The following GSG1 variants were observed in gnomAD, a reference collection of about 807,000 sequenced individuals.
GSG1 encodes the protein germ cell associated 1.
A neutral mutation model predicts 30.8 loss-of-function variants in GSG1; 28 were observed. The observed-to-expected ratio is 0.91, with a 90% CI of 0.67 to 1.25. The LOEUF is 1.25. Among genes scored for constraint, GSG1 ranks in the 50% most tolerant of loss-of-function variants. GSG1 has a pLI of 0.00. For synonymous variants in GSG1, 162 were observed against 178.0 expected (o/e 0.91, Z 0.71); for missense variants, 435 against 444.7 (o/e 0.98, Z 0.20).
rs1466403645 is a variant in GSG1 at position 13,101,612 on chromosome 12, C to A, written c.48+1853G>T. Among the ~76,000 whole-genome samples, 1 of 152,218 alleles carries A rather than the reference C, an allele frequency of 6.6e-6. No homozygotes were observed. The highest frequency in any genetic ancestry group is 1.5e-5 in the Non-Finnish European group (1 of 68,028). On this transcript the variant is annotated intron_variant, in intron 1 of 6. Coordinates refer to ENST00000651961, the MANE Select transcript of GSG1 (RefSeq NM_001080555.4). The surrounding 1 kb of genome is among the most constrained non-coding windows in gnomAD (Gnocchi z 5.8). ...GAGGCGCGTCCCCTCTGCCGCCTGG[C>A]GAGGCTGCGCGGGAGGGCGGAGAGA...
intron 1 of GSG1, among the ~76,000 whole-genome samples, chr12:13,098,456 ATTTTTTTTTTTTTTTTTTTTTTT>A (rs771887535): frequency 2.1e-5 from 1 of 47,384 alleles, no homozygotes; most frequent in Non-Finnish European, 3.8e-5. Flanking sequence ...CATGTAGCCC[ATTTTTTTTTTTTTTTTTTTTTTT>A]TTTTTTTTTT....
rs1320194475 is a variant in GSG1 at position 13,089,231 on chromosome 12, G to A, written c.410C>T (p.Ser137Phe). ...ACCTTTTGCTGCCGCTGTACCACTG[G>A]ACCGAAGGGCTCTAAATTGTTTCCA... Reference protein sequence around the residue: ...QSWKQFRALRSSGTAAAKGER... With the variant: ...QSWKQFRALRFSGTAAAKGER... The change falls in exon 3 of 7, where the codon TCC (serine) becomes TTC (phenylalanine). Residue 137 changes from serine (S) to phenylalanine (F), a missense_variant. By Grantham distance (155) the Ser-to-Phe change is radical (BLOSUM62 -2). Transcript: ENST00000651961. 6.4e-7 allele frequency: 1 copy of A among 1,558,884 alleles called. No homozygotes were observed. The highest frequency in any genetic ancestry group is 1.9e-5 in the Admixed American group (1 of 51,900).
At chr12:13,089,702 AGAT>A (rs1377809393) in intron 2 of GSG1, among the ~76,000 whole-genome samples, 1 of 152,226 alleles carries the variant, frequency 6.6e-6, no homozygotes, top group Non-Finnish European at 1.5e-5. Flanking sequence ...AGAGGCTGTA[AGAT>A]GATCTGCTGT....
intron 3 of GSG1, 113 bp from the exon 4 acceptor site, chr12:13,089,022 G>C: frequency 7.3e-7 from 1 of 1,366,786 alleles, no homozygotes; most frequent in African/African-American, 1.4e-5. Flanking sequence ...CACCTGCCCC[G>C]CATAGAGCAG....
chr12:13,098,160 T>C (rs1037416307), intron 1 of GSG1, among the ~76,000 whole-genome samples: 3 of 151,638 alleles, frequency 2.0e-5, no homozygotes, highest in Admixed American at 6.6e-5. Context: ...TTTTTTACGG[T>C]TGCATTGGCG....
chr12:13,103,267 C>T (rs530523621), intron 1 of GSG1, among the ~76,000 whole-genome samples, 198 bp downstream of exon 1: 21 of 152,304 alleles, frequency 1.4e-4, no homozygotes, highest in African/African-American at 4.8e-4. Flanking sequence ...TATGGACATA[C>T]CAGTTTTATC....
chr12:13,088,134 CCT>C, intron 4 of GSG1, 75 bp from the exon 5 acceptor site: 1 of 1,542,096 alleles, frequency 6.5e-7, no homozygotes, highest in Non-Finnish European at 8.9e-7. Context: ...GCATAGGATG[CCT>C]ATTAGGAGTT....
rs1461853011 is a variant in GSG1, at chr12:13,098,455, CATTTTT to C, written c.48+5004_48+5009del. Among the ~76,000 whole-genome samples, 24 of 71,834 alleles carry C rather than the reference CATTTTT, an allele frequency of 3.3e-4. 1 individual carries two copies. Among genetic ancestry groups the C allele is most frequent in the Non-Finnish European group, 6.8e-4 (22 of 32,340 alleles). The allele number at this position is 71,834 out of a possible 152,430, so 47.1% of individuals were successfully genotyped here. On this transcript the variant is annotated intron_variant, in intron 1 of 6. Coordinates refer to ENST00000651961, the MANE Select transcript of GSG1 (RefSeq NM_001080555.4). Reference sequence around the variant, plus strand: ...TCTTGTAGGATTGTTTCATGTAGCCCATTTTTTTTTTTTTTTTTTTTTTTTTTTTTT... The same window carrying C: ...TCTTGTAGGATTGTTTCATGTAGCCCTTTTTTTTTTTTTTTTTTTTTTTTT...
At chr12:13,097,590 T>C (rs1862827251) in intron 1 of GSG1, among the ~76,000 whole-genome samples, 1 of 152,208 alleles carries the variant, frequency 6.6e-6, no homozygotes, top group African/African-American at 2.4e-5. Flanking sequence ...ACTTTCATTT[T>C]AGAGCAGTCG....
intron 1 of GSG1, among the ~76,000 whole-genome samples, chr12:13,099,764 T>G (rs867103161): frequency 0.019 from 2,777 of 146,818 alleles, 60 homozygotes; most frequent in African/African-American, 0.051. Flanking sequence ...TTTTTTTTTT[T>G]TTTTGTTTTT....
intron 1 of GSG1, among the ~76,000 whole-genome samples, chr12:13,097,434 C>T (rs1866747503): frequency 6.6e-6 from 1 of 152,044 alleles, no homozygotes; most frequent in South Asian, 2.1e-4. Flanking sequence ...GTCTCGAACT[C>T]CTGGGCTCAA....
intron 1 of GSG1, among the ~76,000 whole-genome samples, chr12:13,099,763 T>TTTGTTTG (rs1565551402): frequency 1.3e-5 from 2 of 148,574 alleles, no homozygotes; most frequent in South Asian, 2.1e-4. Context: ...TTTTTTTTTT[T>TTTGTTTG]TTTTTGTTTT....
At chr12:13,085,728 T>TC (rs1865461746) in intron 6 of GSG1, among the ~76,000 whole-genome samples, 1 of 152,106 alleles carries the variant, frequency 6.6e-6, no homozygotes, top group Admixed American at 6.5e-5. Context: ...GAATCATCCC[T>TC]CTTCCATCTT....
rs1463809261 is a variant in GSG1 at position 13,093,686 on chromosome 12, G to T, written c.49-2868C>A. Among the ~76,000 whole-genome samples, 1 of 152,138 alleles carries T rather than the reference G, an allele frequency of 6.6e-6. No homozygotes were observed. Among genetic ancestry groups the T allele is most frequent in the Non-Finnish European group, 1.5e-5 (1 of 68,012 alleles). ...GTAGGGTGTCGGCAGCCAAGCCCTT[G>T]GTCAGTGGAGAGGAACCTGGAGGGC... On this transcript the variant is annotated intron_variant, in intron 1 of 6. Transcript: ENST00000651961. This position sits in a 1 kb window ranked among gnomAD's most constrained non-coding sequence, Gnocchi z 4.6.
At chr12:13,087,328 G>A (rs1246214120) in intron 5 of GSG1, 65 bp from the exon 6 acceptor site, 7 of 1,242,968 alleles carry the variant, frequency 5.6e-6, no homozygotes, top group Non-Finnish European at 1.2e-6. Flanking sequence ...CCAGGAGTAC[G>A]ATTTTGGATC....
At chr12:13,096,301 G>A (rs528178125) in intron 1 of GSG1, among the ~76,000 whole-genome samples, 47 of 151,846 alleles carry the variant, frequency 3.1e-4, no homozygotes, top group African/African-American at 8.5e-4. Flanking sequence ...CTGAAATCCC[G>A]TCTCTACTAA....
chr12:13,088,414 G>C (rs1221366258), intron 4 of GSG1, among the ~76,000 whole-genome samples: 1 of 152,092 alleles, frequency 6.6e-6, no homozygotes, highest in African/African-American at 2.4e-5. Flanking sequence ...TTCCCTCCCT[G>C]CCTCCCTTCT....
At chr12:13,095,728 C>T in intron 1 of GSG1, 1 of 1,565,150 alleles carries the variant, frequency 6.4e-7, no homozygotes, top group South Asian at 1.2e-5. Context: ...TCCTCCTACC[C>T]CTCCCCTTCT....
chr12:13,096,473 C>CAA lies in GSG1; in HGVS notation c.49-5657_49-5656dup, dbSNP rs775026265. Among the ~76,000 whole-genome samples the CAA allele has an allele frequency of 4.9e-4, 36 of 74,034 alleles. No homozygotes were observed. In the East Asian group the frequency reaches 5.3e-3, roughly 11 times the overall value. 48.6% of individuals were successfully genotyped at this position (74,034 alleles called of 152,430 possible). A position where few individuals can be genotyped will look rare whatever the true frequency, so the allele number is the denominator to read the frequency against. Reference sequence around the variant, plus strand: ...TGGGTGACAGAGTGAGACTCTGTCTCAAAAAAAAAAAAAAAAAAAAGAATA... The same window carrying CAA: ...TGGGTGACAGAGTGAGACTCTGTCTCAAAAAAAAAAAAAAAAAAAAAAGAATA... On this transcript the variant is annotated intron_variant, in intron 1 of 6. Transcript: ENST00000651961.
Sources: gnomAD v4.1 joint callset for allele counts (sites outside exome capture counted in the v4.1 genomes callset) on GRCh38, gnomAD v4.1.1 for gene constraint, Gnocchi (gnomAD v3.1) non-coding constraint, MANE v1.5 for transcripts, NCBI Gene and HGNC (gene_info 2026-07-23, HGNC 2026-07-21) for gene names.